PINX1: variants seen among roughly 807,000 people sequenced by gnomAD.
PINX1 encodes the protein PIN2 (TERF1) interacting telomerase inhibitor 1, also known as PIN2/TERF1-interacting telomerase inhibitor 1.
Under a neutral mutation model 25.4 loss-of-function variants are expected in PINX1, and 34 were observed. The ratio of observed to expected loss-of-function variants is 1.34; its 90% CI spans 1.02 to 1.78. PINX1 has a LOEUF of 1.78. Ranked by LOEUF, PINX1 falls within the 40% of genes most tolerant of loss-of-function variation. The pLI is 0.00. For missense variants in PINX1, 592 were observed against 404.9 expected (o/e 1.46, Z -3.97); for synonymous variants, 197 against 147.7 (o/e 1.33, Z -2.42).
intron 6 of PINX1, among the ~76,000 whole-genome samples, chr8:10,780,824 G>A (rs1349410139): frequency 2.0e-5 from 3 of 152,030 alleles, no homozygotes; most frequent in Non-Finnish European, 4.4e-5. Context: ...AAATCCCAAC[G>A]GCATTCTTAA....
At chr8:10,804,480 T>C (rs1001540263) in intron 6 of PINX1, among the ~76,000 whole-genome samples, 3 of 151,762 alleles carry the variant, frequency 2.0e-5, no homozygotes, top group African/African-American at 7.3e-5. Context: ...AAGGGTCTGG[T>C]GTGTGTGTTA....
intron 6 of PINX1, among the ~76,000 whole-genome samples, chr8:10,781,046 T>C (rs914135249): frequency 6.6e-6 from 1 of 152,098 alleles, no homozygotes; most frequent in Non-Finnish European, 1.5e-5. Context: ...GAAATAAATC[T>C]AAACATTTAT....
intron 6 of PINX1, among the ~76,000 whole-genome samples, chr8:10,772,564 C>T (rs765451784): frequency 4.6e-5 from 7 of 152,210 alleles, no homozygotes; most frequent in Non-Finnish European, 1.0e-4. Flanking sequence ...AGACATTCAT[C>T]GCTCACATCT....
At chr8:10,797,293 A>C (rs975844966) in intron 6 of PINX1, among the ~76,000 whole-genome samples, 7 of 152,154 alleles carry the variant, frequency 4.6e-5, no homozygotes, top group African/African-American at 1.7e-4. Context: ...ACCGCACTCT[A>C]AAAACCAAAA....
intron 6 of PINX1, among the ~76,000 whole-genome samples, chr8:10,798,064 T>C (rs781044187): frequency 3.9e-5 from 6 of 152,238 alleles, no homozygotes; most frequent in Non-Finnish European, 7.3e-5. Context: ...AAGTGAGGAA[T>C]AGACGGGGAG....
intron 6 of PINX1, among the ~76,000 whole-genome samples, chr8:10,766,437 C>T (rs907152098): frequency 6.6e-6 from 1 of 152,212 alleles, no homozygotes; most frequent in Admixed American, 6.5e-5. Context: ...GAGCCGCATT[C>T]CACCCTGGAA....
chr8:10,798,768 T>G (rs1211372132), intron 6 of PINX1, among the ~76,000 whole-genome samples: 1 of 152,220 alleles, frequency 6.6e-6, no homozygotes, highest in Non-Finnish European at 1.5e-5. Context: ...TTTCTGAAAT[T>G]ACATACCATA....
intron 6 of PINX1, among the ~76,000 whole-genome samples, chr8:10,809,129 C>A (rs28564346): frequency 6.6e-6 from 1 of 152,104 alleles, no homozygotes; most frequent in South Asian, 2.1e-4. Flanking sequence ...TCTCTAATGG[C>A]GACACATTAA....
chr8:10,782,897 A>G (rs372336458), intron 6 of PINX1, among the ~76,000 whole-genome samples: 1 of 152,160 alleles, frequency 6.6e-6, no homozygotes, highest in East Asian at 1.9e-4. Flanking sequence ...ATGCTAGAGC[A>G]CCTCCTCATT....
chr8:10,798,058 G>GAGGAAT (rs754600777), intron 6 of PINX1, among the ~76,000 whole-genome samples: 9 of 152,344 alleles, frequency 5.9e-5, no homozygotes, highest in South Asian at 4.1e-4. Context: ...CACTAGAAGT[G>GAGGAAT]AGGAATAGAC....
intron 6 of PINX1, among the ~76,000 whole-genome samples, chr8:10,802,153 G>C (rs111334867): frequency 1.1e-4 from 16 of 152,144 alleles, no homozygotes; most frequent in Non-Finnish European, 2.4e-4. Context: ...AAAAACTTTA[G>C]CATAATCAAG....
chr8:10,773,251 T>A (rs1712631843), intron 6 of PINX1, among the ~76,000 whole-genome samples: 1 of 152,186 alleles, frequency 6.6e-6, no homozygotes, highest in Admixed American at 6.5e-5. Flanking sequence ...TATACACGTA[T>A]GGAACTGGAG....
At chr8:10,768,551 G>T (rs1483597015) in intron 6 of PINX1, among the ~76,000 whole-genome samples, 1 of 152,208 alleles carries the variant, frequency 6.6e-6, no homozygotes, top group East Asian at 1.9e-4. Flanking sequence ...CATGGAGACA[G>T]GCTAGAGAGG....
At chr8:10,775,428 T>G (rs1353324528) in intron 6 of PINX1, among the ~76,000 whole-genome samples, 3 of 149,266 alleles carry the variant, frequency 2.0e-5, no homozygotes, top group Non-Finnish European at 4.5e-5. Flanking sequence ...TTTTTTTTTT[T>G]TTTTTTTTTT....
At chr8:10,782,876 A>G (rs1156833564) in intron 6 of PINX1, among the ~76,000 whole-genome samples, 2 of 152,372 alleles carry the variant, frequency 1.3e-5, no homozygotes, top group East Asian at 1.9e-4. Context: ...CCCTCCAGTC[A>G]TCTTTGGAGA....
At position 10,826,223 on chromosome 8, in the gene PINX1, T is replaced by A; in HGVS notation, c.323A>T (p.Lys108Met). Residue 108 changes from lysine (K) to methionine (M), a missense_variant, in exon 5 of 7, where the codon AAG becomes ATG. Physicochemically the swap from Lys to Met is moderately conservative, Grantham distance 95. Transcript: ENST00000314787. ...CTTTTCCTCAAGGCTAAAAGATTTC[T>A]TTTCCTTCTTGTCCGAGGAATCTTT... ...ETTDSSDKKE[K>M]KSFSLEEKSK... 2 of 1,585,832 alleles carry A rather than the reference T, an allele frequency of 1.3e-6. No individual in the cohort carries two copies. Among genetic ancestry groups the A allele is most frequent in the Non-Finnish European group, 1.7e-6 (2 of 1,158,370 alleles).
chr8:10,828,729 C>T (rs766687844), intron 4 of PINX1, among the ~76,000 whole-genome samples: 15 of 152,132 alleles, frequency 9.9e-5, no homozygotes, highest in East Asian at 1.9e-4. Flanking sequence ...TGAAACTGCT[C>T]GGAGTCTGAC....
At chr8:10,801,729 C>A (rs948844856) in intron 6 of PINX1, among the ~76,000 whole-genome samples, 2 of 152,136 alleles carry the variant, frequency 1.3e-5, no homozygotes, top group African/African-American at 4.8e-5. Flanking sequence ...TACAGCAAAC[C>A]ACCTCTAATG....
intron 2 of PINX1, 116 bp downstream of exon 2, chr8:10,834,550 A>C (rs1798335729): frequency 7.1e-6 from 10 of 1,415,762 alleles, no homozygotes; most frequent in Middle Eastern, 3.7e-4. Context: ...TTTGGGATCA[A>C]AATCACTTAC....
Sources: gnomAD v4.1 joint callset for allele counts (sites outside exome capture counted in the v4.1 genomes callset) on GRCh38, gnomAD v4.1.1 for gene constraint, MANE v1.5 for transcripts, NCBI Gene and HGNC (gene_info 2026-07-23, HGNC 2026-07-21) for gene names.